The following EVI5 variants were observed in gnomAD, a reference collection of about 807,000 sequenced individuals.
EVI5 encodes ecotropic viral integration site 5 protein homolog.
In EVI5, 73 loss-of-function variants were observed where a neutral mutation model predicts 112.0. The ratio of observed to expected loss-of-function variants is 0.65; its 90% CI spans 0.54 to 0.79. EVI5 has a LOEUF of 0.79. EVI5 is among the 30% of genes least tolerant of loss of function. EVI5 has a pLI of 0.00. For synonymous variants in EVI5, 305 were observed against 319.9 expected (o/e 0.95, Z 0.50); for missense variants, 900 against 968.8 (o/e 0.93, Z 0.94).
rs564729024 is a variant in EVI5 at position 92,574,152 on chromosome 1, C to T, written c.2071-10415G>A. On this transcript the variant is annotated intron_variant, in intron 18 of 19. Coordinates refer to ENST00000684568, the MANE Select transcript of EVI5 (RefSeq NM_001350197.2). ...TGTTTGATAACGACCTACGCACACA[C>T]ATTCACTTGTTTTATCCCTGCAATC... Among the ~76,000 whole-genome samples, 12 of 152,234 alleles carry T rather than the reference C, an allele frequency of 7.9e-5. No homozygotes were observed. In the East Asian group the frequency reaches 2.3e-3, roughly 29 times the overall value.
At chr1:92,586,690 T>TTATCTTC (rs1348928744) in intron 18 of EVI5, among the ~76,000 whole-genome samples, 2 of 150,184 alleles carry the variant, frequency 1.3e-5, no homozygotes, top group African/African-American at 2.4e-5. Context: ...TGCTCCAGGC[T>TTATCTTC]TATCTTCTAT....
intron 19 of EVI5, among the ~76,000 whole-genome samples, chr1:92,561,149 G>A (rs1382337372): frequency 1.3e-5 from 2 of 152,214 alleles, no homozygotes; most frequent in South Asian, 2.1e-4. Context: ...CCCACTTACA[G>A]GAAAGAGATA....
chr1:92,690,388 G>A (rs1669301430), intron 9 of EVI5, among the ~76,000 whole-genome samples: 1 of 146,382 alleles, frequency 6.8e-6, no homozygotes, highest in African/African-American at 2.5e-5. Flanking sequence ...TCACTCTATT[G>A]CCAAGGCTGA....
rs371768613 is a variant in EVI5, at chr1:92,513,968, G to A, written c.2169C>T (p.Leu723=). 48 of 1,532,434 alleles carry A rather than the reference G, an allele frequency of 3.1e-5. No homozygotes were observed. The African/African-American group carries it at 6.2e-4, about 20-fold the overall frequency. 94.9% of individuals were successfully genotyped at this position (1,532,434 alleles called of 1,614,324 possible). The change falls in exon 20 of 20, where the codon CTC becomes CTT. Residue 723 remains leucine, a splice_region_variant and synonymous_variant. Transcript: ENST00000684568. ...AGCCCCTCTGGCCTTTTAGGCACCTGAGCTGTTAAAACAAAATCCAAGTTA... is the reference window on the plus strand; with the variant it reads ...AGCCCCTCTGGCCTTTTAGGCACCTAAGCTGTTAAAACAAAATCCAAGTTA... ...KDQIAELNHE[L]RCLKGQRGFS... is the part of the protein sequence containing the mutation.
At chr1:92,732,269 C>T (rs1379521624) in intron 2 of EVI5, 3 of 354,142 alleles carry the variant, frequency 8.5e-6, no homozygotes, top group South Asian at 2.7e-5. Flanking sequence ...TTGCCTGAGA[C>T]ACCATCATCA....
intron 13 of EVI5, chr1:92,647,002 C>CTT (rs1661088900): frequency 4.6e-6 from 1 of 215,778 alleles, no homozygotes; most frequent in Non-Finnish European, 9.9e-6. Context: ...CTCCCCTACT[C>CTT]TAAGGTATTC....
intron 2 of EVI5, among the ~76,000 whole-genome samples, chr1:92,721,401 A>T (rs1293480394): frequency 6.6e-6 from 1 of 152,174 alleles, no homozygotes; most frequent in East Asian, 1.9e-4. Context: ...GCTGGAAACC[A>T]TCATTCTGAG....
chr1:92,623,950 A>G (rs1391184429), intron 16 of EVI5, among the ~76,000 whole-genome samples: 1 of 152,274 alleles, frequency 6.6e-6, no homozygotes, highest in African/African-American at 2.4e-5. Context: ...AAAAAAGTCA[A>G]ATAAAATTTG....
intron 1 of EVI5, among the ~76,000 whole-genome samples, chr1:92,759,270 A>G (rs1681439985): frequency 6.6e-6 from 1 of 152,184 alleles, no homozygotes; most frequent in Admixed American, 6.5e-5. Flanking sequence ...ATTATAAGTG[A>G]TCCATATTTA....
intron 1 of EVI5, among the ~76,000 whole-genome samples, chr1:92,738,827 T>C (rs994966333): frequency 6.6e-6 from 1 of 152,202 alleles, no homozygotes; most frequent in Non-Finnish European, 1.5e-5. Flanking sequence ...AATTTTACTT[T>C]TCCAAACTTC....
At chr1:92,596,944 T>C (rs1219211637) in intron 18 of EVI5, among the ~76,000 whole-genome samples, 1 of 152,208 alleles carries the variant, frequency 6.6e-6, no homozygotes, top group Non-Finnish European at 1.5e-5. Flanking sequence ...ACGAGCTGTT[T>C]TTCCGGATAT....
intron 9 of EVI5, among the ~76,000 whole-genome samples, chr1:92,686,178 A>C (rs183837585): frequency 6.6e-6 from 1 of 152,332 alleles, no homozygotes; most frequent in Admixed American, 6.5e-5. Flanking sequence ...ATACAGCAGC[A>C]CATCAAAAAG....
intron 1 of EVI5, among the ~76,000 whole-genome samples, chr1:92,779,921 T>C (rs1298791153): frequency 6.6e-6 from 1 of 152,148 alleles, no homozygotes; most frequent in Non-Finnish European, 1.5e-5. Context: ...GACTCTAGTC[T>C]AGGTTCCCTC....
chr1:92,586,588 GTT>G (rs11411646), intron 18 of EVI5, among the ~76,000 whole-genome samples: 2 of 108,988 alleles, frequency 1.8e-5, no homozygotes, highest in South Asian at 3.1e-4. Context: ...ATTAATGTAG[GTT>G]TTTTTTTTTT....
At chr1:92,616,005 T>C (rs1446578084) in intron 16 of EVI5, among the ~76,000 whole-genome samples, 1 of 152,212 alleles carries the variant, frequency 6.6e-6, no homozygotes, top group Non-Finnish European at 1.5e-5. Context: ...CTGCATTCAA[T>C]GTTGCAACTT....
At chr1:92,756,483 T>G in intron 1 of EVI5, 1 of 538,378 alleles carries the variant, frequency 1.9e-6, no homozygotes, top group South Asian at 1.4e-5. Flanking sequence ...CCTACAAGAC[T>G]ACATCATTAC....
At chr1:92,761,246 C>G (rs1483405113) in intron 1 of EVI5, among the ~76,000 whole-genome samples, 1 of 151,982 alleles carries the variant, frequency 6.6e-6, no homozygotes, top group Non-Finnish European at 1.5e-5. Context: ...AGGTGAATGA[C>G]AGGTAATTAT....
intron 19 of EVI5, among the ~76,000 whole-genome samples, chr1:92,521,225 G>C (rs151197708): frequency 6.6e-6 from 1 of 152,172 alleles, no homozygotes; most frequent in Non-Finnish European, 1.5e-5. Flanking sequence ...GCCTCTCAAA[G>C]TGCTGAGATT....
intron 2 of EVI5, among the ~76,000 whole-genome samples, chr1:92,721,288 C>G (rs960100708): frequency 7.2e-5 from 11 of 152,118 alleles, no homozygotes; most frequent in Admixed American, 3.9e-4. Context: ...AAATGTCCAT[C>G]AATGATAGAC....
Sources: gnomAD v4.1 joint callset for allele counts (sites outside exome capture counted in the v4.1 genomes callset) on GRCh38, gnomAD v4.1.1 for gene constraint, MANE v1.5 for transcripts, NCBI Gene and HGNC (gene_info 2026-07-23, HGNC 2026-07-21) for gene names.